The following ROBO2 variants were observed in gnomAD, a reference collection of about 807,000 sequenced individuals.
ROBO2 encodes roundabout guidance receptor 2.
Under a neutral mutation model 160.8 loss-of-function variants are expected in ROBO2, and 53 were observed. The observed-to-expected ratio is 0.33, with a 90% confidence interval of 0.26 to 0.41. ROBO2 has a LOEUF of 0.41. ROBO2 is among the 10% of genes least tolerant of loss of function. ROBO2 has a pLI of 1.00. For synonymous variants in ROBO2, 664 were observed against 611.7 expected, an observed-to-expected ratio of 1.09 and a Z score of -1.26; for missense variants, 1,577 against 1,722.4, an observed-to-expected ratio of 0.92 and a Z score of 1.49.
intron 2 of ROBO2, among the ~76,000 whole-genome samples, chr3:76,991,984 A>G (rs547098047): frequency 2.0e-5 from 3 of 152,142 alleles, no homozygotes; most frequent in South Asian, 2.1e-4. Context: ...GCTGCCCCTT[A>G]TAAATTTCTA....
chr3:76,748,463 T>C (rs1295322215), intron 2 of ROBO2, among the ~76,000 whole-genome samples: 2 of 151,756 alleles, frequency 1.3e-5, no homozygotes, highest in Non-Finnish European at 1.5e-5. Flanking sequence ...CAACTGGTAC[T>C]GTATATGTAT....
chr3:76,542,791 CT>C (rs1199790880), intron 2 of ROBO2, among the ~76,000 whole-genome samples: 2 of 152,170 alleles, frequency 1.3e-5, no homozygotes, highest in Non-Finnish European at 2.9e-5. Flanking sequence ...GCCTCTTCCC[CT>C]AACCACTCTA....
chr3:76,270,192 C>A (rs1576188193), intron 2 of ROBO2, among the ~76,000 whole-genome samples: 1 of 152,006 alleles, frequency 6.6e-6, no homozygotes, highest in African/African-American at 2.4e-5. Context: ...TCAAGGGAAC[C>A]ACAATGGCAC....
At chr3:77,440,705 A>G (rs774194899) in intron 2 of ROBO2, among the ~76,000 whole-genome samples, 21 of 152,312 alleles carry the variant, frequency 1.4e-4, no homozygotes, top group Non-Finnish European at 2.6e-4. Context: ...TGAAAGCTCA[A>G]TTTTATTCCT....
chr3:77,064,749 C>T (rs948082829), intron 1 of ROBO2, among the ~76,000 whole-genome samples: 2 of 152,098 alleles, frequency 1.3e-5, no homozygotes, highest in African/African-American at 4.8e-5. Flanking sequence ...AAGCAGAAAC[C>T]AATCTATTTC....
intron 2 of ROBO2, among the ~76,000 whole-genome samples, chr3:77,234,272 T>C (rs1560302408): frequency 6.6e-6 from 1 of 152,290 alleles, no homozygotes; most frequent in East Asian, 1.9e-4. Context: ...ACGCCTGCCC[T>C]TGGGATTGTG....
At chr3:77,404,116 C>G (rs2076061858) in intron 2 of ROBO2, among the ~76,000 whole-genome samples, 1 of 152,018 alleles carries the variant, frequency 6.6e-6, no homozygotes. Flanking sequence ...ATGACAGTCT[C>G]TATATATAAT....
intron 2 of ROBO2, among the ~76,000 whole-genome samples, chr3:77,427,190 G>T (rs1581851100): frequency 6.6e-6 from 1 of 152,314 alleles, no homozygotes; most frequent in East Asian, 1.9e-4. Context: ...CAGGATTAGA[G>T]TAGCCTCTCT....
At chr3:76,668,083 C>A (rs1370538839) in intron 2 of ROBO2, among the ~76,000 whole-genome samples, 1 of 152,092 alleles carries the variant, frequency 6.6e-6, no homozygotes, top group African/African-American at 2.4e-5. Flanking sequence ...GACCAAAATA[C>A]TTCTCTCTCT....
chr3:76,398,482 A>C (rs987487584), intron 2 of ROBO2, among the ~76,000 whole-genome samples: 9 of 151,908 alleles, frequency 5.9e-5, no homozygotes, highest in Non-Finnish European at 1.3e-4. Context: ...TAATAATAAT[A>C]AAAGAAAAGA....
chr3:77,185,332 A>G (rs2081185187), intron 2 of ROBO2, among the ~76,000 whole-genome samples: 1 of 151,988 alleles, frequency 6.6e-6, no homozygotes, highest in Non-Finnish European at 1.5e-5. Flanking sequence ...AGAGAGTCAA[A>G]GGTGATGCTG....
intron 22 of ROBO2, among the ~76,000 whole-genome samples, chr3:77,619,583 C>T (rs952873823): frequency 6.6e-6 from 1 of 152,158 alleles, no homozygotes; most frequent in Non-Finnish European, 1.5e-5. Flanking sequence ...GATGGGCACA[C>T]CTTCCTTGAG....
intron 6 of ROBO2, among the ~76,000 whole-genome samples, chr3:77,525,119 C>T (rs1210381275): frequency 6.6e-6 from 1 of 151,110 alleles, no homozygotes; most frequent in Middle Eastern, 3.2e-3. Flanking sequence ...TGCAGCCTTT[C>T]TTTGGATCGT....
chr3:77,436,607 A>G (rs1297966242), intron 2 of ROBO2, among the ~76,000 whole-genome samples: 1 of 151,878 alleles, frequency 6.6e-6, no homozygotes, highest in East Asian at 1.9e-4. Flanking sequence ...TGAAGATTCG[A>G]ATATGGTCAG....
intron 2 of ROBO2, among the ~76,000 whole-genome samples, chr3:77,109,924 C>T (rs1278239262): frequency 6.6e-6 from 1 of 152,190 alleles, no homozygotes; most frequent in South Asian, 2.1e-4. Context: ...TGTATAAATA[C>T]AATGATGACC....
At chr3:76,151,595 C>A (rs1035592880) in intron 2 of ROBO2, among the ~76,000 whole-genome samples, 1 of 152,118 alleles carries the variant, frequency 6.6e-6, no homozygotes, top group African/African-American at 2.4e-5. Flanking sequence ...TATGCTATTG[C>A]TTTATATAGT....
At chr3:76,513,191 T>C (rs1324663797) in intron 2 of ROBO2, among the ~76,000 whole-genome samples, 1 of 152,250 alleles carries the variant, frequency 6.6e-6, no homozygotes, top group East Asian at 1.9e-4. Flanking sequence ...TTTATTCAAA[T>C]AAAAATGGAA....
intron 2 of ROBO2, among the ~76,000 whole-genome samples, chr3:77,474,519 C>G (rs2083746498): frequency 6.6e-6 from 1 of 152,044 alleles, no homozygotes; most frequent in Non-Finnish European, 1.5e-5. Context: ...GAATTTATTT[C>G]TCTTCATCAT....
intron 2 of ROBO2, among the ~76,000 whole-genome samples, chr3:76,919,487 T>A (rs2148981724): frequency 6.6e-6 from 1 of 152,324 alleles, no homozygotes; most frequent in Admixed American, 6.5e-5. Context: ...AATTTAATTT[T>A]ATATGTAAAT....
Sources: gnomAD v4.1 joint callset for allele counts (sites outside exome capture counted in the v4.1 genomes callset) on GRCh38, gnomAD v4.1.1 for gene constraint, MANE v1.5 for transcripts, NCBI Gene and HGNC (gene_info 2026-07-23, HGNC 2026-07-21) for gene names.